FRMD5: variants seen among roughly 807,000 people sequenced by gnomAD.
The protein encoded by FRMD5 is FERM domain containing 5.
Under a neutral mutation model 69.0 loss-of-function variants are expected in FRMD5, and 20 were observed. The ratio of observed to expected loss-of-function variants is 0.29; its 90% CI spans 0.20 to 0.42. The LOEUF (loss-of-function observed/expected upper bound fraction) is 0.42. Among genes scored for constraint, FRMD5 ranks in the 10% least tolerant of loss-of-function variants. The pLI is 1.00. For missense variants in FRMD5, 595 were observed against 708.6 expected, an observed-to-expected ratio of 0.84 and a Z score of 1.82; for synonymous variants, 271 against 260.1, an observed-to-expected ratio of 1.04 and a Z score of -0.40.
chr15:44,087,475 T>C (rs1410341743), intron 1 of FRMD5, among the ~76,000 whole-genome samples: 1 of 152,106 alleles, frequency 6.6e-6, no homozygotes, highest in Non-Finnish European at 1.5e-5. Flanking sequence ...AACCAAAACA[T>C]TACGGCACAT....
intron 1 of FRMD5, among the ~76,000 whole-genome samples, chr15:44,102,258 T>C (rs1355959104): frequency 2.6e-5 from 4 of 152,208 alleles, no homozygotes; most frequent in Non-Finnish European, 5.9e-5. Flanking sequence ...AGGTAAGAAG[T>C]AAGCCTGGAT....
At chr15:44,120,930 T>C (rs1249783926) in intron 1 of FRMD5, among the ~76,000 whole-genome samples, 1 of 152,112 alleles carries the variant, frequency 6.6e-6, no homozygotes, top group Admixed American at 6.6e-5. Flanking sequence ...TATACATACC[T>C]TGTGCTTAGG....
chr15:44,183,184 A>G (rs1437826284), intron 1 of FRMD5, among the ~76,000 whole-genome samples: 1 of 152,168 alleles, frequency 6.6e-6, no homozygotes, highest in Non-Finnish European at 1.5e-5. Context: ...CCCTGGAACA[A>G]GAAGGCTGGT....
intron 1 of FRMD5, among the ~76,000 whole-genome samples, chr15:43,984,380 A>T (rs1467974105): frequency 6.6e-6 from 1 of 152,212 alleles, no homozygotes. Context: ...AGTCAAACAG[A>T]TACCTAAGCC....
intron 9 of FRMD5, 44 bp from the exon 10 acceptor site, chr15:43,888,310 A>C (rs1443464344): frequency 7.2e-7 from 1 of 1,396,714 alleles, no homozygotes; most frequent in South Asian, 1.2e-5. Flanking sequence ...TGGATGGAGA[A>C]GCAAAGGGTG....
chr15:44,142,396 T>C (rs888414832), intron 1 of FRMD5, among the ~76,000 whole-genome samples: 1 of 152,144 alleles, frequency 6.6e-6, no homozygotes, highest in African/African-American at 2.4e-5. Flanking sequence ...AGTGAACACA[T>C]GGTAGCATCA....
chr15:43,977,652 A>G (rs2090484685), intron 1 of FRMD5, among the ~76,000 whole-genome samples: 1 of 152,234 alleles, frequency 6.6e-6, no homozygotes, highest in African/African-American at 2.4e-5. Flanking sequence ...GGAGTGCCCA[A>G]TGGAGGAAAT....
chr15:44,087,173 C>T (rs551554638), intron 1 of FRMD5, among the ~76,000 whole-genome samples: 31 of 152,206 alleles, frequency 2.0e-4, no homozygotes, highest in African/African-American at 7.0e-4. Context: ...TGTGTGGTAA[C>T]ACACCTGGCT....
chr15:43,984,263 T>C (rs888241268), intron 1 of FRMD5, among the ~76,000 whole-genome samples: 3 of 152,210 alleles, frequency 2.0e-5, no homozygotes, highest in Non-Finnish European at 4.4e-5. Context: ...GAATATCTTA[T>C]GCAAATAGAA....
At chr15:44,043,131 A>G (rs994983472) in intron 1 of FRMD5, among the ~76,000 whole-genome samples, 1 of 152,178 alleles carries the variant, frequency 6.6e-6, no homozygotes, top group Non-Finnish European at 1.5e-5. Context: ...CTATACACCA[A>G]TAACAGACAG....
intron 1 of FRMD5, among the ~76,000 whole-genome samples, chr15:44,170,373 G>A (rs1335708969): frequency 6.6e-6 from 1 of 152,040 alleles, no homozygotes; most frequent in Non-Finnish European, 1.5e-5. Context: ...AAATACAAAA[G>A]TTAGCTGAGC....
intron 1 of FRMD5, among the ~76,000 whole-genome samples, chr15:43,969,170 C>T (rs976040876): frequency 1.3e-5 from 2 of 151,818 alleles, no homozygotes; most frequent in African/African-American, 2.4e-5. Flanking sequence ...TCACTGCAGC[C>T]TCCAACTCCT....
chr15:44,016,325 G>A (rs1202033385), intron 1 of FRMD5, among the ~76,000 whole-genome samples: 1 of 152,128 alleles, frequency 6.6e-6, no homozygotes, highest in East Asian at 1.9e-4. Flanking sequence ...TCCTTATAAG[G>A]TAGTTAATAT....
At chr15:44,095,031 A>C (rs1366270720) in intron 1 of FRMD5, among the ~76,000 whole-genome samples, 1 of 151,976 alleles carries the variant, frequency 6.6e-6, no homozygotes. Context: ...CAACAGGATT[A>C]ATATAATCTA....
intron 10 of FRMD5, 68 bp from the exon 11 acceptor site, chr15:43,885,823 C>A: frequency 8.3e-7 from 1 of 1,201,584 alleles, no homozygotes; most frequent in Non-Finnish European, 1.2e-6. Flanking sequence ...GGCAGCACAT[C>A]CCCAGCTTCT....
In FRMD5 at chr15:43,899,774, G is replaced by A. The variant is rs538318221; in HGVS notation, c.639+2401C>T. Among the ~76,000 whole-genome samples, 4 of 152,258 alleles carry A rather than the reference G, an allele frequency of 2.6e-5. No individual in the cohort carries two copies. In the East Asian group the frequency reaches 7.7e-4, roughly 29 times the overall value. On this transcript the variant is annotated intron_variant, in intron 7 of 13. Transcript: ENST00000417257. ...CCTGCAGCCTCTTCAGCCTCTCTGCGTCCAATGATGGACAAACTCACCCAA... is the reference window on the plus strand; with the variant it reads ...CCTGCAGCCTCTTCAGCCTCTCTGCATCCAATGATGGACAAACTCACCCAA...
intron 1 of FRMD5, among the ~76,000 whole-genome samples, chr15:44,031,577 GAGT>G (rs1891684196): frequency 6.6e-6 from 1 of 152,016 alleles, no homozygotes; most frequent in African/African-American, 2.4e-5. Context: ...TCCCAATCAT[GAGT>G]ACTCTATCCT....
intron 1 of FRMD5, among the ~76,000 whole-genome samples, chr15:44,132,661 T>C (rs1363425898): frequency 6.6e-6 from 1 of 152,158 alleles, no homozygotes; most frequent in Non-Finnish European, 1.5e-5. Context: ...ACTGCTGGAC[T>C]CAAGCGATCC....
chr15:43,928,534 C>A (rs2089623571), intron 1 of FRMD5, among the ~76,000 whole-genome samples: 1 of 152,204 alleles, frequency 6.6e-6, no homozygotes. Flanking sequence ...TCCCTACAAG[C>A]CAACGGCAGG....
Sources: gnomAD v4.1 joint callset for allele counts (sites outside exome capture counted in the v4.1 genomes callset) on GRCh38, gnomAD v4.1.1 for gene constraint, MANE v1.5 for transcripts, NCBI Gene and HGNC (gene_info 2026-07-23, HGNC 2026-07-21) for gene names.